Variants in ZNF304 observed in about 807,000 individuals in gnomAD.
ZNF304 encodes the protein zinc finger protein 304, also known as KRAB-containing zinc finger protein.
Under a neutral mutation model 7.8 loss-of-function variants are expected in ZNF304, and 7 were observed. That is an observed-to-expected ratio of 0.90 (90% CI 0.51 to 1.69). ZNF304 has a LOEUF of 1.69. Among genes scored for constraint, ZNF304 ranks in the 40% most tolerant of loss-of-function variants. ZNF304 has a pLI of 0.00. For synonymous variants in ZNF304, 280 were observed against 272.4 expected (o/e 1.03, Z -0.27); for missense variants, 669 against 804.8 (o/e 0.83, Z 2.04).
Position 57,356,112 on chromosome 19 carries a change from G to C in ZNF304, c.243G>C (p.Glu81Asp), listed in dbSNP as rs1207301937. The change falls in exon 3 of 3, where the codon GAG becomes GAC. Residue 81 changes from glutamate (E) to aspartate (D), a missense_variant. Glu to Asp is a conservative substitution (Grantham distance 45). Coordinates refer to ENST00000282286, the MANE Select transcript of ZNF304 (RefSeq NM_020657.4). ...GAGTGTCACAGGTCAGGACTGCTGA[G>C]TCAGGTCTTTTCCAGAAAGCACACC... is the stretch of plus-strand genomic sequence containing the variant. Reference protein sequence around the residue: ...VEGVSQVRTAESGLFQKAHPC... With the variant: ...VEGVSQVRTADSGLFQKAHPC... 6.2e-7 allele frequency: 1 copy of C among 1,614,104 alleles called. No homozygotes were observed. Among genetic ancestry groups the C allele is most frequent in the African/African-American group, 1.3e-5 (1 of 74,930 alleles).
Position 57,356,399 on chromosome 19 carries a change from C to A in ZNF304, c.530C>A (p.Pro177Gln). 1.2e-6 allele frequency: 2 copies of A among 1,614,120 alleles called. No homozygotes were observed. Among genetic ancestry groups the A allele is most frequent in the Non-Finnish European group, 8.5e-7 (1 of 1,180,030 alleles). The change falls in exon 3 of 3, where the codon CCA becomes CAA. Residue 177 changes from proline to glutamine, a missense_variant. Pro to Gln is a moderately conservative substitution (Grantham distance 76, BLOSUM62 -1). Coordinates refer to ENST00000282286, the MANE Select transcript of ZNF304 (RefSeq NM_020657.4). ...TGCAGGGAGGAAGGGATGGACTTACCAGATAGCTCTGGCCTTTTCCAGCAC... is the reference window on the plus strand; with the variant it reads ...TGCAGGGAGGAAGGGATGGACTTACAAGATAGCTCTGGCCTTTTCCAGCAC... ...FTCREEGMDLPDSSGLFQHQT... is the reference protein window; with the variant it reads ...FTCREEGMDLQDSSGLFQHQT...
At position 57,356,441 on chromosome 19, in the gene ZNF304, G is replaced by A. The variant is rs141447310; in HGVS notation, c.572G>A (p.Arg191Lys). 1.6e-5 allele frequency: 26 copies of A among 1,614,176 alleles called. No individual in the cohort carries two copies. The African/African-American group carries it at 3.3e-4, about 21-fold the overall frequency. The change falls in exon 3 of 3, where the codon AGG (arginine) becomes AAG (lysine). Residue 191 changes from arginine (R) to lysine (K), a missense_variant. Transcript: ENST00000282286. ...TTCCAGCACCAGACCACTTACAATA[G>A]GGTGAGTCCATGCAGAAGGACTGAA... ...GLFQHQTTYN[R>K]VSPCRRTECM...
At position 57,357,924 on chromosome 19, in the gene ZNF304, C is replaced by G. The variant is rs892800769; in HGVS notation, c.*75C>G. 12 of 1,509,784 alleles carry G rather than the reference C, an allele frequency of 7.9e-6. No individual in the cohort carries two copies. Among genetic ancestry groups the G allele is most frequent in the Non-Finnish European group, 8.9e-6 (10 of 1,129,526 alleles). The allele number at this position is 1,509,784 out of a possible 1,614,324, so 93.5% of individuals were successfully genotyped here. Reference sequence around the variant, plus strand: ...TCATCTTGTTCATCCTCATAGGACTCACACCAGAGCAATGCTCTGTGAGTA... The same window carrying G: ...TCATCTTGTTCATCCTCATAGGACTGACACCAGAGCAATGCTCTGTGAGTA... On this transcript the variant is annotated 3_prime_UTR_variant, in exon 3 of 3. Transcript: ENST00000282286.
At position 57,356,563 on chromosome 19, in the gene ZNF304, T is replaced by C; in HGVS notation, c.694T>C (p.Phe232Leu). ...LFSCGDEGKAFLDTFTLLDSQ... is the reference protein window; with the variant it reads ...LFSCGDEGKALLDTFTLLDSQ... ...CAGTTGCGGTGATGAAGGGAAAGCCTTCCTGGACACCTTTACTCTTCTTGA... is the reference window on the plus strand; with the variant it reads ...CAGTTGCGGTGATGAAGGGAAAGCCCTCCTGGACACCTTTACTCTTCTTGA... Residue 232 changes from phenylalanine (F) to leucine (L), a missense_variant, in exon 3 of 3, where the codon TTC (phenylalanine) becomes CTC (leucine). Phe to Leu is a conservative substitution (Grantham distance 22, BLOSUM62 0). Transcript: ENST00000282286. 6.2e-7 allele frequency: 1 copy of C among 1,614,204 alleles called. No homozygotes were observed. Among genetic ancestry groups the C allele is most frequent in the Non-Finnish European group, 8.5e-7 (1 of 1,180,036 alleles).
Position 57,356,577 on chromosome 19 carries a change from T to A in ZNF304, c.708T>A (p.Phe236Leu). ...AAGGGAAAGCCTTCCTGGACACCTT[T>A]ACTCTTCTTGACAGCCAGATGACTC... ...GDEGKAFLDT[F>L]TLLDSQMTHA... The change falls in exon 3 of 3, where the codon TTT (phenylalanine) becomes TTA (leucine). Residue 236 changes from phenylalanine to leucine, a missense_variant. Physicochemically the swap from Phe to Leu is conservative, Grantham distance 22. Coordinates refer to ENST00000282286, the MANE Select transcript of ZNF304 (RefSeq NM_020657.4). 1 of 1,614,218 alleles carries A rather than the reference T, an allele frequency of 6.2e-7. No homozygotes were observed. Among genetic ancestry groups the A allele is most frequent in the Non-Finnish European group, 8.5e-7 (1 of 1,180,050 alleles).
chr19:57,351,591 C>G lies in ZNF304; in HGVS notation c.-74C>G. 6.3e-7 allele frequency: 1 copy of G among 1,583,318 alleles called. No homozygotes were observed. The highest frequency in any genetic ancestry group is 8.6e-7 in the Non-Finnish European group (1 of 1,156,182). ...GAGACTTGGAGTGCTACACTCAGCC[C>G]GAGGGCGTCCAGCGCGGTGGAGGCG... is the stretch of plus-strand genomic sequence containing the variant. On this transcript the variant is annotated 5_prime_UTR_variant, in exon 1 of 3. Coordinates refer to ENST00000282286, the MANE Select transcript of ZNF304 (RefSeq NM_020657.4). This position sits in a 1 kb window ranked among gnomAD's most constrained non-coding sequence, Gnocchi z 4.1.
rs2088350050 is a variant in ZNF304 at position 57,356,903 on chromosome 19, G to A, written c.1034G>A (p.Ser345Asn). Residue 345 changes from serine (S) to asparagine (N), a missense_variant, in exon 3 of 3, where the codon AGC becomes AAC. Transcript: ENST00000282286. The part of the protein sequence containing the change: ...YDCSECGKAY[S>N]RSSHLVQHQR... ...TGCAGTGAATGTGGAAAAGCCTACA[G>A]CAGAAGCTCCCACCTTGTTCAGCAC... The A allele has an allele frequency of 6.2e-7, 1 of 1,614,218 alleles. No homozygotes were observed. Among genetic ancestry groups the A allele is most frequent in the Non-Finnish European group, 8.5e-7 (1 of 1,180,036 alleles).
intron 1 of ZNF304, chr19:57,352,003 G>T: frequency 2.6e-6 from 1 of 382,552 alleles, no homozygotes; most frequent in Middle Eastern, 6.9e-4. Flanking sequence ...TCTTCTGAGG[G>T]TGCTGGGAGT....
Position 57,357,928 on chromosome 19 carries a change from C to G in ZNF304, c.*79C>G. The G allele has an allele frequency of 6.7e-7, 1 of 1,498,346 alleles. No individual in the cohort carries two copies. Among genetic ancestry groups the G allele is most frequent in the East Asian group, 2.3e-5 (1 of 44,252 alleles). The allele number at this position is 1,498,346 out of a possible 1,614,324, so 92.8% of individuals were successfully genotyped here. ...CTTGTTCATCCTCATAGGACTCACA[C>G]CAGAGCAATGCTCTGTGAGTACCCT... On this transcript the variant is annotated 3_prime_UTR_variant, in exon 3 of 3. Transcript: ENST00000282286.
chr19:57,357,181 C>G lies in ZNF304; in HGVS notation c.1312C>G (p.Arg438Gly). 1 of 1,614,152 alleles carries G rather than the reference C, an allele frequency of 6.2e-7. No individual in the cohort carries two copies. Among genetic ancestry groups the G allele is most frequent in the Non-Finnish European group, 8.5e-7 (1 of 1,180,038 alleles). ...CCATAACTCTAGCCTCATTAAACAT[C>G]GGAGAGTCCACACAGGAGCAAGATC... ...FSHNSSLIKH[R>G]RVHTGARSYV... The change falls in exon 3 of 3, where the codon CGG becomes GGG. Residue 438 changes from arginine (R) to glycine (G), a missense_variant. Physicochemically the swap from Arg to Gly is moderately radical, Grantham distance 125 (BLOSUM62 -2). Coordinates refer to ENST00000282286, the MANE Select transcript of ZNF304 (RefSeq NM_020657.4).
At position 57,359,177 on chromosome 19, in the gene ZNF304, C is replaced by G. The variant is rs1453161019; in HGVS notation, c.*1328C>G. 6 of 152,204 alleles carry G rather than the reference C, an allele frequency of 3.9e-5. No individual in the cohort carries two copies. The highest frequency in any genetic ancestry group is 8.8e-5 in the Non-Finnish European group (6 of 68,036). 9.4% of individuals were successfully genotyped at this position (152,204 alleles called of 1,614,324 possible). A position where few individuals can be genotyped will look rare whatever the true frequency, so the allele number is the denominator to read the frequency against. On this transcript the variant is annotated 3_prime_UTR_variant, in exon 3 of 3. Coordinates refer to ENST00000282286, the MANE Select transcript of ZNF304 (RefSeq NM_020657.4). ...TAAATGTTTGTGGATTCCTGTGTCT[C>G]CCTGGGCAGTTGACCTGCACAGACA... is the stretch of plus-strand genomic sequence containing the variant.
At chr19:57,353,592 C>T (rs534689338) in intron 1 of ZNF304, 133 bp from the exon 2 acceptor site, 3 of 1,287,650 alleles carry the variant, frequency 2.3e-6, no homozygotes, top group Admixed American at 2.9e-5. Context: ...GTGCCAAGGT[C>T]TGTTATCTCC....
In ZNF304 at chr19:57,359,719, G is replaced by A. The variant is rs1287520911; in HGVS notation, c.*1870G>A. 1 of 152,156 alleles carries A rather than the reference G, an allele frequency of 6.6e-6. No homozygotes were observed. Among genetic ancestry groups the A allele is most frequent in the Non-Finnish European group, 1.5e-5 (1 of 68,034 alleles). 9.4% of individuals were successfully genotyped at this position (152,156 alleles called of 1,614,324 possible). ...TTTTCAGTAAACATAACTATTTTAA[G>A]GTTAATCCATTATCTTGTTGCATGA... On this transcript the variant is annotated 3_prime_UTR_variant, in exon 3 of 3. Transcript: ENST00000282286.
In ZNF304 at chr19:57,356,990, G is replaced by C. The variant is rs748940178; in HGVS notation, c.1121G>C (p.Arg374Pro). 6.2e-7 allele frequency: 1 copy of C among 1,605,862 alleles called. No homozygotes were observed. Among genetic ancestry groups the C allele is most frequent in the East Asian group, 2.2e-5 (1 of 44,708 alleles). The stretch of plus-strand genomic sequence containing the variant: ...AACAAATGTGGGAAAGCCTTTAGCC[G>C]TAAAGACACACTTGTTCAGCACCAG... ...KCNKCGKAFS[R>P]KDTLVQHQRF... Residue 374 changes from arginine (R) to proline (P), a missense_variant, in exon 3 of 3, where the codon CGT (arginine) becomes CCT (proline). By Grantham distance (103) the Arg-to-Pro change is moderately radical. Transcript: ENST00000282286.
intron 2 of ZNF304, among the ~76,000 whole-genome samples, chr19:57,354,716 T>C (rs903590018): frequency 6.6e-6 from 1 of 152,134 alleles, no homozygotes; most frequent in South Asian, 2.1e-4. Flanking sequence ...TACCAAGAGG[T>C]AGGGATCACT....
At chr19:57,353,651 A>AGT (rs1241191643) in intron 1 of ZNF304, 74 bp from the exon 2 acceptor site, 11 of 1,525,534 alleles carry the variant, frequency 7.2e-6, no homozygotes, top group African/African-American at 1.4e-5. Flanking sequence ...TGGGTGTGTG[A>AGT]GTGTGTAGAC....
intron 1 of ZNF304, 109 bp from the exon 2 acceptor site, chr19:57,353,616 G>A (rs1244128440): frequency 3.5e-6 from 5 of 1,436,142 alleles, no homozygotes; most frequent in Middle Eastern, 1.9e-4. Flanking sequence ...TAGTTGGGAG[G>A]CTGGGGAGGC....
intron 2 of ZNF304, among the ~76,000 whole-genome samples, chr19:57,354,264 C>G (rs891954986): frequency 6.6e-6 from 1 of 152,178 alleles, no homozygotes; most frequent in African/African-American, 2.4e-5. Flanking sequence ...CCTTGGCCTC[C>G]CAAAGTGCTG....
intron 2 of ZNF304, among the ~76,000 whole-genome samples, chr19:57,355,753 G>A (rs1298656207): frequency 6.6e-6 from 1 of 152,224 alleles, no homozygotes; most frequent in African/African-American, 2.4e-5. Flanking sequence ...AGCGGCCAAG[G>A]CCCTGCTGAA....
Sources: gnomAD v4.1 joint callset for allele counts (sites outside exome capture counted in the v4.1 genomes callset) on GRCh38, gnomAD v4.1.1 for gene constraint, Gnocchi (gnomAD v3.1) non-coding constraint, MANE v1.5 for transcripts, NCBI Gene and HGNC (gene_info 2026-07-23, HGNC 2026-07-21) for gene names.